DOK6: variants seen among roughly 807,000 people sequenced by gnomAD.
The protein encoded by DOK6 is downstream of tyrosine kinase 6.
A neutral mutation model predicts 44.0 loss-of-function variants in DOK6; 22 were observed. The observed-to-expected ratio is 0.50, with a 90% CI of 0.36 to 0.71. The LOEUF is 0.71. Ranked by LOEUF, DOK6 falls within the 30% of genes least tolerant of loss-of-function variation. The pLI is 0.00. For synonymous variants in DOK6, 166 were observed against 145.5 expected, an observed-to-expected ratio of 1.14 and a Z score of -1.01; for missense variants, 340 against 416.4, an observed-to-expected ratio of 0.82 and a Z score of 1.60.
At chr18:69,736,038 C>T (rs577086211) in intron 5 of DOK6, among the ~76,000 whole-genome samples, 1 of 152,210 alleles carries the variant, frequency 6.6e-6, no homozygotes, top group Non-Finnish European at 1.5e-5. Flanking sequence ...CCCAGTTGTC[C>T]TCCTCATGGC....
At chr18:69,714,700 T>C (rs975382224) in intron 5 of DOK6, among the ~76,000 whole-genome samples, 13 of 152,150 alleles carry the variant, frequency 8.5e-5, no homozygotes, top group African/African-American at 2.2e-4. Flanking sequence ...AATATACCAA[T>C]TGGTATAAAA....
rs1916089467 is a variant in DOK6 at position 69,401,197 on chromosome 18, G to A, written c.-48G>A. 3 of 1,508,184 alleles carry A rather than the reference G, an allele frequency of 2.0e-6. No homozygotes were observed. Among genetic ancestry groups the A allele is most frequent in the Non-Finnish European group, 2.7e-6 (3 of 1,128,214 alleles). The allele number at this position is 1,508,184 out of a possible 1,614,324, so 93.4% of individuals were successfully genotyped here. The stretch of plus-strand genomic sequence containing the variant: ...GACCCGGCGGCGGACGGCGGCTCTC[G>A]ACTCCGGAGAGCGGATCGCGGGGCG... On this transcript the variant is annotated 5_prime_UTR_variant, in exon 1 of 8. Transcript: ENST00000382713.
At chr18:69,663,352 A>G (rs1247389928) in intron 3 of DOK6, 1 of 152,144 alleles carries the variant, frequency 6.6e-6, no homozygotes, top group Non-Finnish European at 1.5e-5. Context: ...TGGTGAAATA[A>G]TCTGTACGAC....
chr18:69,644,028 T>C (rs186785382), intron 3 of DOK6, among the ~76,000 whole-genome samples: 70 of 152,350 alleles, frequency 4.6e-4, no homozygotes, highest in African/African-American at 1.6e-3. Flanking sequence ...TTTCAAGTGC[T>C]TATTTGCCAT....
At chr18:69,729,908 TAAAGGTC>T (rs2047150476) in intron 5 of DOK6, among the ~76,000 whole-genome samples, 1 of 152,076 alleles carries the variant, frequency 6.6e-6, no homozygotes, top group Admixed American at 6.6e-5. Context: ...GAAGAATCTT[TAAAGGTC>T]AAAGAAGGAA....
At chr18:69,839,189 C>G (rs556610230) in intron 7 of DOK6, among the ~76,000 whole-genome samples, 11 of 150,252 alleles carry the variant, frequency 7.3e-5, no homozygotes, top group Non-Finnish European at 4.5e-5. Context: ...AGCTTCTCCC[C>G]GAGCCTCATC....
At chr18:69,446,268 CA>C (rs905239971) in intron 1 of DOK6, among the ~76,000 whole-genome samples, 12 of 142,834 alleles carry the variant, frequency 8.4e-5, no homozygotes, top group Non-Finnish European at 1.3e-4. Flanking sequence ...CAAGTGTTCT[CA>C]TTGTTCAATT....
chr18:69,823,727 G>A (rs995019179), intron 7 of DOK6, among the ~76,000 whole-genome samples: 15 of 151,498 alleles, frequency 9.9e-5, no homozygotes, highest in Non-Finnish European at 2.2e-4. Context: ...GCATCTTCCT[G>A]GTGCCTTCCT....
At chr18:69,815,587 G>A (rs1423517980) in intron 7 of DOK6, among the ~76,000 whole-genome samples, 1 of 152,056 alleles carries the variant, frequency 6.6e-6, no homozygotes, top group Non-Finnish European at 1.5e-5. Context: ...TTAAATAAAA[G>A]CAAATGAAAT....
At position 69,751,288 on chromosome 18, in the gene DOK6, GGTTAT is replaced by G. The variant is rs1294879608; in HGVS notation, c.739-6463_739-6459del. Among the ~76,000 whole-genome samples the G allele has an allele frequency of 2.6e-5, 4 of 151,704 alleles. No homozygotes were observed. In the East Asian group the frequency reaches 7.7e-4, roughly 29 times the overall value. Reference sequence around the variant, plus strand: ...AAAAAAGATAAGTATTTGAATTAATGGTTATGTTAATTAGATTGATTTATTTCACT... The same window carrying G: ...AAAAAAGATAAGTATTTGAATTAATGGTTAATTAGATTGATTTATTTCACT... On this transcript the variant is annotated intron_variant, in intron 6 of 7. Transcript: ENST00000382713.
intron 1 of DOK6, among the ~76,000 whole-genome samples, chr18:69,529,567 G>A (rs902183526): frequency 2.0e-5 from 3 of 152,140 alleles, no homozygotes; most frequent in African/African-American, 7.2e-5. Flanking sequence ...GTAATTGCAA[G>A]ATAGCGTAAT....
chr18:69,579,355 A>G (rs530786257), intron 2 of DOK6, among the ~76,000 whole-genome samples: 1 of 152,322 alleles, frequency 6.6e-6, no homozygotes, highest in South Asian at 2.1e-4. Flanking sequence ...TCATATTTGG[A>G]TATCAAGTAT....
At chr18:69,638,831 A>T (rs1468588884) in intron 3 of DOK6, among the ~76,000 whole-genome samples, 1 of 152,228 alleles carries the variant, frequency 6.6e-6, no homozygotes, top group Non-Finnish European at 1.5e-5. Flanking sequence ...ACTTGTTTTT[A>T]TATATACATA....
chr18:69,575,240 A>G (rs921415778), intron 2 of DOK6, among the ~76,000 whole-genome samples: 2 of 152,116 alleles, frequency 1.3e-5, no homozygotes, highest in Non-Finnish European at 2.9e-5. Flanking sequence ...AACAGTTACC[A>G]TATGAGGAGC....
chr18:69,442,307 G>A (rs1044517524), intron 1 of DOK6, among the ~76,000 whole-genome samples: 3 of 152,116 alleles, frequency 2.0e-5, no homozygotes, highest in Non-Finnish European at 2.9e-5. Context: ...ACATACCCAA[G>A]ACTGAGTAAT....
At chr18:69,422,093 A>C (rs2122408886) in intron 1 of DOK6, among the ~76,000 whole-genome samples, 1 of 152,284 alleles carries the variant, frequency 6.6e-6, no homozygotes. Flanking sequence ...CTCTGCTTCT[A>C]ATACTTGACT....
At chr18:69,782,243 G>T (rs1280295762) in intron 7 of DOK6, among the ~76,000 whole-genome samples, 2 of 135,404 alleles carry the variant, frequency 1.5e-5, no homozygotes, top group Non-Finnish European at 3.1e-5. Flanking sequence ...ATGGTGTCTC[G>T]CTCTGTCACC....
At chr18:69,516,857 T>TC (rs1264782464) in intron 1 of DOK6, among the ~76,000 whole-genome samples, 1 of 150,172 alleles carries the variant, frequency 6.7e-6, no homozygotes, top group Non-Finnish European at 1.5e-5. Flanking sequence ...TTTTTTTTTT[T>TC]TCTAGTGAAG....
chr18:69,695,530 C>G (rs888921154), intron 4 of DOK6, among the ~76,000 whole-genome samples: 5 of 152,254 alleles, frequency 3.3e-5, no homozygotes, highest in Admixed American at 2.0e-4. Flanking sequence ...CTAGCAAAGC[C>G]TTAACAAATT....
Sources: allele counts gnomAD v4.1 joint callset (sites outside exome capture counted in the v4.1 genomes callset), GRCh38; gene constraint gnomAD v4.1.1; transcripts MANE v1.5; gene names NCBI Gene and HGNC (gene_info 2026-07-23, HGNC 2026-07-21).